ITPR2: variants seen among roughly 807,000 people sequenced by gnomAD.
ITPR2 encodes inositol 1,4,5-trisphosphate-gated calcium channel ITPR2.
Under a neutral mutation model 317.1 loss-of-function variants are expected in ITPR2, and 207 were observed. The observed-to-expected ratio is 0.65, with a 90% CI of 0.58 to 0.73. The LOEUF (loss-of-function observed/expected upper bound fraction) is 0.73, where lower values mean the gene tolerates loss of function less well. Ranked by LOEUF, ITPR2 falls within the 30% of genes least tolerant of loss-of-function variation. The pLI is 0.00. For missense variants in ITPR2, 2,613 were observed against 3,284.0 expected, an observed-to-expected ratio of 0.80 and a Z score of 4.99; for synonymous variants, 1,156 against 1,149.1, an observed-to-expected ratio of 1.01 and a Z score of -0.12.
chr12:26,379,370 T>C (rs916295003), intron 55 of ITPR2, among the ~76,000 whole-genome samples: 3 of 152,234 alleles, frequency 2.0e-5, no homozygotes, highest in Non-Finnish European at 4.4e-5. Context: ...GTGTTGTTAG[T>C]GGCATGATTA....
In ITPR2 at chr12:26,339,271, T is replaced by A. The variant is rs557105437; in HGVS notation, c.*126A>T. On this transcript the variant is annotated 3_prime_UTR_variant, in exon 57 of 57. Coordinates refer to ENST00000381340, the MANE Select transcript of ITPR2 (RefSeq NM_002223.4). ...GTTCTCGGAGCTAACCCACTCAACA[T>A]CTTGGCACTTGGTTGTTTTTAACTT... The A allele has an allele frequency of 5.3e-6, 4 of 757,034 alleles. No homozygotes were observed. Among genetic ancestry groups the A allele is most frequent in the South Asian group, 5.3e-5 (3 of 56,938 alleles). The allele number at this position is 757,034 out of a possible 1,614,324, so 46.9% of individuals were successfully genotyped here. A position where few individuals can be genotyped will look rare whatever the true frequency, so the allele number is the denominator to read the frequency against.
At chr12:26,671,558 A>G (rs887032547) in intron 13 of ITPR2, among the ~76,000 whole-genome samples, 1 of 152,202 alleles carries the variant, frequency 6.6e-6, no homozygotes, top group African/African-American at 2.4e-5. Context: ...AGCACTAAAC[A>G]TGGAAAGGAA....
chr12:26,422,398 T>C (rs1387556747), intron 49 of ITPR2, among the ~76,000 whole-genome samples: 1 of 152,100 alleles, frequency 6.6e-6, no homozygotes, highest in East Asian at 1.9e-4. Context: ...ATATACTTTA[T>C]AGTTATTGAT....
chr12:26,496,573 T>A (rs973768375), intron 37 of ITPR2, among the ~76,000 whole-genome samples: 1 of 152,176 alleles, frequency 6.6e-6, no homozygotes, highest in African/African-American at 2.4e-5. Context: ...CTTACCTGTG[T>A]CTTGAGGTTC....
intron 2 of ITPR2, among the ~76,000 whole-genome samples, chr12:26,786,401 A>G (rs1292711925): frequency 4.5e-5 from 6 of 132,014 alleles, no homozygotes; most frequent in Non-Finnish European, 4.7e-5. Context: ...CTATTGTCCT[A>G]TGACCCTGCC....
chr12:26,524,577 T>C (rs1052806062), intron 37 of ITPR2, among the ~76,000 whole-genome samples: 2 of 152,220 alleles, frequency 1.3e-5, no homozygotes, highest in African/African-American at 2.4e-5. Context: ...AACAAATTCC[T>C]ACACATATTT....
chr12:26,732,655 GATGAAAT>G (rs1276117700), intron 2 of ITPR2, among the ~76,000 whole-genome samples: 1 of 152,194 alleles, frequency 6.6e-6, no homozygotes, highest in East Asian at 1.9e-4. Flanking sequence ...GAGGAATTGA[GATGAAAT>G]ATGAACCAAG....
In ITPR2 at chr12:26,741,257, G is replaced by A. The variant is rs547715658; in HGVS notation, c.164-15492C>T. On this transcript the variant is annotated intron_variant, in intron 2 of 56. Coordinates refer to ENST00000381340, the MANE Select transcript of ITPR2 (RefSeq NM_002223.4). ...AGGCCTGGGAGGGCCCAGCTCAATGGCAGTGCCTTCATTTTAATCTCTAGT... is the reference window on the plus strand; with the variant it reads ...AGGCCTGGGAGGGCCCAGCTCAATGACAGTGCCTTCATTTTAATCTCTAGT... Among the ~76,000 whole-genome samples, 7 of 152,364 alleles carry A rather than the reference G, an allele frequency of 4.6e-5. No individual in the cohort carries two copies. In the East Asian group the frequency reaches 1.4e-3, roughly 29 times the overall value.
intron 44 of ITPR2, among the ~76,000 whole-genome samples, chr12:26,476,369 C>T (rs1284797301): frequency 2.6e-5 from 4 of 152,178 alleles, no homozygotes; most frequent in Non-Finnish European, 5.9e-5. Context: ...TCATAATGTG[C>T]ATGCCACGAG....
chr12:26,579,429 C>T (rs1427145209), intron 33 of ITPR2, among the ~76,000 whole-genome samples: 1 of 151,912 alleles, frequency 6.6e-6, no homozygotes, highest in Non-Finnish European at 1.5e-5. Flanking sequence ...TTTTTTTATG[C>T]ATGTATGTTT....
In ITPR2 at chr12:26,552,189, GT is replaced by G. The variant is rs1229998788; in HGVS notation, c.4965-1835del. ...TAGGCTAATGTGTGGATGGTGATCA[GT>G]TTTTTTTTAATTTATTTAATGAGAC... is the stretch of plus-strand genomic sequence containing the variant. On this transcript the variant is annotated intron_variant, in intron 36 of 56. Transcript: ENST00000381340. Among the ~76,000 whole-genome samples, 12 of 151,476 alleles carry G rather than the reference GT, an allele frequency of 7.9e-5. No individual in the cohort carries two copies. In the South Asian group the frequency reaches 1.7e-3, roughly 21 times the overall value.
intron 2 of ITPR2, among the ~76,000 whole-genome samples, chr12:26,734,731 T>A (rs1949087561): frequency 6.6e-6 from 1 of 152,148 alleles, no homozygotes; most frequent in South Asian, 2.1e-4. Flanking sequence ...GTCCTGGTAC[T>A]GAATTAATTG....
chr12:26,784,056 C>A (rs1950144458), intron 2 of ITPR2, among the ~76,000 whole-genome samples: 1 of 85,420 alleles, frequency 1.2e-5, no homozygotes, highest in Admixed American at 1.1e-4. Flanking sequence ...AGTGGAAAAG[C>A]TGGTGAAATA....
Position 26,589,977 on chromosome 12 carries a change from C to CA in ITPR2, c.4380+5487dup, listed in dbSNP as rs776585497. On this transcript the variant is annotated intron_variant, in intron 32 of 56. Coordinates refer to ENST00000381340, the MANE Select transcript of ITPR2 (RefSeq NM_002223.4). ...GTTCCATCCTGAATGTCATACCTTTCAACAAAACACAGAAACTAGAGGGAT... is the reference window on the plus strand; with the variant it reads ...GTTCCATCCTGAATGTCATACCTTTCAAACAAAACACAGAAACTAGAGGGAT... 1.8e-4 allele frequency among the ~76,000 whole-genome samples: 27 copies of CA among 150,912 alleles called. No individual in the cohort carries two copies. The Middle Eastern group carries it at 0.014, about 77-fold the overall frequency.
intron 21 of ITPR2, among the ~76,000 whole-genome samples, chr12:26,651,839 A>C (rs567493726): frequency 6.6e-6 from 1 of 152,110 alleles, no homozygotes; most frequent in South Asian, 2.1e-4. Context: ...TCGGTGGAGG[A>C]GTGGTATGTC....
intron 1 of ITPR2, among the ~76,000 whole-genome samples, chr12:26,796,370 A>G (rs2137228707): frequency 1.3e-5 from 2 of 152,352 alleles, no homozygotes; most frequent in East Asian, 3.9e-4. Flanking sequence ...GTTCAACTTC[A>G]TTTGTAATCA....
intron 2 of ITPR2, among the ~76,000 whole-genome samples, chr12:26,741,500 T>C (rs928164548): frequency 6.6e-6 from 1 of 152,212 alleles, no homozygotes; most frequent in African/African-American, 2.4e-5. Flanking sequence ...TCTGGAAATA[T>C]AGTCCTTCCA....
chr12:26,811,068 A>T (rs756630661), intron 1 of ITPR2, among the ~76,000 whole-genome samples: 1 of 150,186 alleles, frequency 6.7e-6, no homozygotes, highest in Admixed American at 6.6e-5. Context: ...AAACAGAAAG[A>T]TACTCTAATG....
At chr12:26,443,015 C>A (rs1279505370) in intron 46 of ITPR2, among the ~76,000 whole-genome samples, 1 of 152,102 alleles carries the variant, frequency 6.6e-6, no homozygotes, top group South Asian at 2.1e-4. Context: ...CCTGGACTGC[C>A]ACCAACCATT....
Sources: allele counts gnomAD v4.1 joint callset (sites outside exome capture counted in the v4.1 genomes callset), GRCh38; gene constraint gnomAD v4.1.1; transcripts MANE v1.5; gene names NCBI Gene and HGNC (gene_info 2026-07-23, HGNC 2026-07-21).